PKHD1: variants seen among roughly 807,000 people sequenced by gnomAD.
The protein encoded by PKHD1 is PKHD1 ciliary IPT domain containing fibrocystin/polyductin.
A neutral mutation model predicts 412.0 loss-of-function variants in PKHD1; 291 were observed. The ratio of observed to expected loss-of-function variants is 0.71; its 90% CI spans 0.64 to 0.78. PKHD1 has a LOEUF of 0.78. Among genes scored for constraint, PKHD1 ranks in the 30% least tolerant of loss-of-function variants. The pLI, the probability that PKHD1 is intolerant of heterozygous loss-of-function variation, is 0.00. For missense variants in PKHD1, 4,825 were observed against 4,950.7 expected (o/e 0.97, Z 0.76); for synonymous variants, 1,777 against 1,821.5 (o/e 0.98, Z 0.62).
intron 55 of PKHD1, among the ~76,000 whole-genome samples, chr6:51,758,417 C>G (rs1458154157): frequency 6.6e-6 from 1 of 152,104 alleles, no homozygotes; most frequent in Non-Finnish European, 1.5e-5. Context: ...ATTCCAACAT[C>G]CACTATTCCT....
chr6:51,966,885 TGATTGGATTGGATTGGATTG>T (rs10599413), intron 35 of PKHD1, among the ~76,000 whole-genome samples: 2 of 149,882 alleles, frequency 1.3e-5, no homozygotes, highest in African/African-American at 2.5e-5. Flanking sequence ...GAGACTGCTC[TGATTGGATTGGATTGGATTG>T]GATTGGATTG....
intron 52 of PKHD1, among the ~76,000 whole-genome samples, chr6:51,828,537 T>C (rs1767712935): frequency 6.6e-6 from 1 of 152,142 alleles, no homozygotes; most frequent in Admixed American, 6.6e-5. Flanking sequence ...TTCCACAGAC[T>C]GTAAAATCCT....
At chr6:51,810,322 T>C (rs546884245) in intron 52 of PKHD1, among the ~76,000 whole-genome samples, 62 of 152,208 alleles carry the variant, frequency 4.1e-4, no homozygotes, top group Middle Eastern at 3.4e-3. Context: ...ACAAATAATC[T>C]ATGCCACATT....
intron 31 of PKHD1, among the ~76,000 whole-genome samples, chr6:52,027,461 G>A (rs1357792011): frequency 6.7e-6 from 1 of 149,298 alleles, no homozygotes; most frequent in African/African-American, 2.5e-5. Context: ...GAACCCGGGA[G>A]GCAGACATTG....
At chr6:52,062,210 A>G (rs1808787765) in intron 14 of PKHD1, among the ~76,000 whole-genome samples, 1 of 152,244 alleles carries the variant, frequency 6.6e-6, no homozygotes, top group Non-Finnish European at 1.5e-5. Context: ...CCAGGTACCT[A>G]AAGCATGTTT....
chr6:51,896,682 G>C (rs2127591305), intron 43 of PKHD1, among the ~76,000 whole-genome samples: 1 of 152,332 alleles, frequency 6.6e-6, no homozygotes, highest in African/African-American at 2.4e-5. Flanking sequence ...TTGACGAGCT[G>C]AGAGAAGAAG....
At chr6:52,039,479 A>T (rs924837000) in intron 27 of PKHD1, among the ~76,000 whole-genome samples, 1 of 152,052 alleles carries the variant, frequency 6.6e-6, no homozygotes, top group Non-Finnish European at 1.5e-5. Flanking sequence ...CTTCCCCTTC[A>T]CCTTCTGCCA....
At chr6:51,768,805 T>C (rs1280310847) in intron 55 of PKHD1, among the ~76,000 whole-genome samples, 1 of 151,714 alleles carries the variant, frequency 6.6e-6, no homozygotes, top group Non-Finnish European at 1.5e-5. Flanking sequence ...TAATGTTTAT[T>C]TTGTATTATT....
intron 51 of PKHD1, among the ~76,000 whole-genome samples, chr6:51,834,682 T>TA: frequency 6.6e-6 from 1 of 152,176 alleles, no homozygotes; most frequent in Non-Finnish European, 1.5e-5. Context: ...TACATGAGAA[T>TA]CAGGCAATGT....
In PKHD1 at chr6:51,737,045, A is replaced by C. The variant is rs1783948157; in HGVS notation, c.10156+7340T>G. 2.0e-5 allele frequency among the ~76,000 whole-genome samples: 3 copies of C among 152,056 alleles called. No homozygotes were observed. The East Asian group carries it at 5.8e-4, about 29-fold the overall frequency. On this transcript the variant is annotated intron_variant, in intron 60 of 66. Transcript: ENST00000371117. ...CTTTTTTTTATCAACCTAATCTTTT[A>C]TTTTTGATTTGAGGCCAGTCACTTT...
chr6:51,651,440 G>A (rs190440411), intron 61 of PKHD1, among the ~76,000 whole-genome samples: 1 of 152,238 alleles, frequency 6.6e-6, no homozygotes, highest in East Asian at 1.9e-4. Context: ...AAGTGAAATT[G>A]TTTAATCTGC....
At chr6:52,067,911 G>T (rs1054015384) in intron 11 of PKHD1, among the ~76,000 whole-genome samples, 1 of 152,154 alleles carries the variant, frequency 6.6e-6, no homozygotes, top group African/African-American at 2.4e-5. Flanking sequence ...AAGCCAGGGA[G>T]GGGCTTGAAG....
rs16882049 is a variant in PKHD1 at position 52,068,977 on chromosome 6, C to A, written c.778+480G>T. Among the ~76,000 whole-genome samples, 473 of 152,170 alleles carry A rather than the reference C, an allele frequency of 3.1e-3. 3 individuals are homozygous for A. The highest frequency in any genetic ancestry group is 0.011 in the African/African-American group (439 of 41,540). On this transcript the variant is annotated intron_variant, in intron 11 of 66. Transcript: ENST00000371117. ...TCTTTAGTAGCCAGCTTTCTACTAC[C>A]AAATCGAGTTCACAATTCCAAGCAA...
intron 48 of PKHD1, among the ~76,000 whole-genome samples, chr6:51,858,434 A>G (rs1773645789): frequency 6.6e-6 from 1 of 152,190 alleles, no homozygotes; most frequent in African/African-American, 2.4e-5. Flanking sequence ...AACAAACATG[A>G]TAAGAGGTAA....
At chr6:51,679,117 A>G (rs1361836914) in intron 60 of PKHD1, among the ~76,000 whole-genome samples, 1 of 152,098 alleles carries the variant, frequency 6.6e-6, no homozygotes, top group Admixed American at 6.6e-5. Flanking sequence ...AATCTGCGCC[A>G]TATGTGACCA....
chr6:51,905,485 A>G (rs767906400), intron 41 of PKHD1, among the ~76,000 whole-genome samples: 21 of 152,192 alleles, frequency 1.4e-4, no homozygotes, highest in Admixed American at 7.9e-4. Flanking sequence ...AGAGCCAGAG[A>G]GCTTGTGCAA....
chr6:51,862,671 G>A (rs562593043), intron 48 of PKHD1, among the ~76,000 whole-genome samples: 4 of 152,252 alleles, frequency 2.6e-5, no homozygotes, highest in South Asian at 4.1e-4. Flanking sequence ...AAAACTGAAC[G>A]CAAGCACTAC....
In PKHD1 at chr6:51,619,031, A is replaced by T; in HGVS notation, c.*50T>A. ...TCACTTCCCCAGCTTATTATCCAGAAATACTGGGAACATTCTGCCTTTCAG... is the reference window on the plus strand; with the variant it reads ...TCACTTCCCCAGCTTATTATCCAGATATACTGGGAACATTCTGCCTTTCAG... On this transcript the variant is annotated 3_prime_UTR_variant, in exon 67 of 67. Transcript: ENST00000371117. 3 of 1,536,228 alleles carry T rather than the reference A, an allele frequency of 2.0e-6. No homozygotes were observed. The highest frequency in any genetic ancestry group is 2.7e-6 in the Non-Finnish European group (3 of 1,110,136).
At chr6:51,688,127 A>AG (rs1484881477) in intron 60 of PKHD1, among the ~76,000 whole-genome samples, 1 of 152,224 alleles carries the variant, frequency 6.6e-6, no homozygotes, top group African/African-American at 2.4e-5. Context: ...TATCTGATGA[A>AG]GTGCACAGAA....
Sources: gnomAD v4.1 joint callset for allele counts (sites outside exome capture counted in the v4.1 genomes callset) on GRCh38, gnomAD v4.1.1 for gene constraint, MANE v1.5 for transcripts, NCBI Gene and HGNC (gene_info 2026-07-23, HGNC 2026-07-21) for gene names.